The following LMO7 variants were observed in gnomAD, a reference collection of about 807,000 sequenced individuals.
The protein encoded by LMO7 is LIM domain only protein 7.
Under a neutral mutation model 206.5 loss-of-function variants are expected in LMO7, and 120 were observed. That is an observed-to-expected ratio of 0.58 (90% CI 0.50 to 0.68). The LOEUF (loss-of-function observed/expected upper bound fraction) is 0.68. Ranked by LOEUF, LMO7 falls within the 30% of genes least tolerant of loss-of-function variation. LMO7 has a pLI of 0.00. For synonymous variants in LMO7, 706 were observed against 681.5 expected (o/e 1.04, Z -0.56); for missense variants, 1,959 against 1,957.9 (o/e 1.00, Z -0.01).
chr13:75,669,962 T>C (rs1439465379), intron 1 of LMO7, among the ~76,000 whole-genome samples: 1 of 152,138 alleles, frequency 6.6e-6, no homozygotes, highest in Non-Finnish European at 1.5e-5. Flanking sequence ...AAGGTTTCCC[T>C]TACAGCTATG....
chr13:75,808,570 T>C lies in LMO7; in HGVS notation c.1916+371T>C, dbSNP rs115941009. ...TATGTGTTGCTCACATTTTAGAGTG[T>C]CTGATTTTTTTGGGGGGGTGAAATT... On this transcript the variant is annotated intron_variant, in intron 10 of 30. Coordinates refer to ENST00000377534, the MANE Select transcript of LMO7 (RefSeq NM_001306080.2). Among the ~76,000 whole-genome samples the C allele has an allele frequency of 4.4e-3, 669 of 152,284 alleles. 5 individuals carry two copies. Among genetic ancestry groups the C allele is most frequent in the African/African-American group, 0.015 (641 of 41,544 alleles).
intron 1 of LMO7, among the ~76,000 whole-genome samples, chr13:75,688,135 C>T (rs1186448779): frequency 1.3e-5 from 2 of 152,148 alleles, no homozygotes; most frequent in South Asian, 4.1e-4. Context: ...GTCCATTAAG[C>T]CTGTTTTTCT....
rs758329873 is a variant in LMO7, at chr13:75,821,559, C to A, written c.2590C>A (p.Pro864Thr). The A allele has an allele frequency of 6.2e-7, 1 of 1,613,920 alleles. No homozygotes were observed. Among genetic ancestry groups the A allele is most frequent in the Non-Finnish European group, 8.5e-7 (1 of 1,179,878 alleles). The change falls in exon 14 of 31, where the codon CCC (proline) becomes ACC (threonine). Residue 864 changes from proline (P) to threonine (T), a missense_variant. Transcript: ENST00000377534. ...VRLTSVVTPRPFGSQTRGISS... is the reference protein window; with the variant it reads ...VRLTSVVTPRTFGSQTRGISS... ...GTTAACATCTGTGGTCACACCAAGA[C>A]CCTTTGGCTCTCAGACAAGGGGAAT...
At chr13:75,704,845 A>G (rs1428762355) in intron 1 of LMO7, among the ~76,000 whole-genome samples, 2 of 152,230 alleles carry the variant, frequency 1.3e-5, no homozygotes, top group East Asian at 3.8e-4. Flanking sequence ...TAAAACCATG[A>G]CCAAAACAGT....
chr13:75,655,637 T>TTATATATATATA (rs67966172), intron 1 of LMO7, among the ~76,000 whole-genome samples: 70 of 134,684 alleles, frequency 5.2e-4, no homozygotes, highest in African/African-American at 1.3e-3. Context: ...TTCATGGATT[T>TTATATATATATA]TATATATATA....
chr13:75,661,803 T>C (rs1368232644), intron 1 of LMO7, among the ~76,000 whole-genome samples: 1 of 152,228 alleles, frequency 6.6e-6, no homozygotes, highest in Non-Finnish European at 1.5e-5. Flanking sequence ...TTGCATGCTG[T>C]AAAATCTTTC....
chr13:75,665,443 CT>C (rs1202700638), intron 1 of LMO7, among the ~76,000 whole-genome samples: 9 of 151,404 alleles, frequency 5.9e-5, no homozygotes, highest in Non-Finnish European at 1.2e-4. Flanking sequence ...CTTTTGTATT[CT>C]TGTAAATTAT....
intron 11 of LMO7, among the ~76,000 whole-genome samples, chr13:75,810,496 G>T (rs1168407798): frequency 6.6e-6 from 1 of 152,160 alleles, no homozygotes; most frequent in Non-Finnish European, 1.5e-5. Flanking sequence ...CAGGGTCCCT[G>T]CATGCTTTCC....
rs1315902689 is a variant in LMO7, at chr13:75,838,219, C to T, written c.3451+23C>T. On this transcript the variant is annotated intron_variant, in intron 20 of 30. Transcript: ENST00000377534. ...AAGGTAAACCACAAAGCTAACAATT[C>T]ATGCACTTTCATGGAATTGTTCTCC... 1.9e-6 allele frequency: 3 copies of T among 1,586,292 alleles called. No individual in the cohort carries two copies. The African/African-American group carries it at 4.0e-5, about 21-fold the overall frequency.
At chr13:75,647,066 GGT>G (rs10617403) in intron 1 of LMO7, among the ~76,000 whole-genome samples, 76,688 of 150,890 alleles carry the variant, frequency 0.51, 19,797 homozygotes, top group Admixed American at 0.62. Context: ...TATATACATA[GGT>G]GTGTGTGTGT....
Position 75,727,009 on chromosome 13 carries a change from T to A in LMO7, c.141-20T>A, listed in dbSNP as rs1340624783. The A allele has an allele frequency of 7.2e-7, 1 of 1,383,062 alleles. No homozygotes were observed. Among genetic ancestry groups the A allele is most frequent in the Non-Finnish European group, 1.0e-6 (1 of 972,810 alleles). The allele number at this position is 1,383,062 out of a possible 1,614,324, so 85.7% of individuals were successfully genotyped here. The stretch of plus-strand genomic sequence containing the variant: ...GATATTGGCATCTTGTAATTGCATC[T>A]GTTATTTATTTACTTTCAGTTTGAT... On this transcript the variant is annotated intron_variant, in intron 2 of 30. Transcript: ENST00000377534.
At chr13:75,849,874 A>T (rs1181105595) in intron 27 of LMO7, among the ~76,000 whole-genome samples, 2 of 152,232 alleles carry the variant, frequency 1.3e-5, no homozygotes, top group Non-Finnish European at 2.9e-5. Context: ...CTTATCTGAC[A>T]GACTGGGGAA....
At chr13:75,800,622 G>A (rs145641909) in intron 6 of LMO7, 62 bp from the exon 7 acceptor site, 63 of 1,455,424 alleles carry the variant, frequency 4.3e-5, no homozygotes, top group Middle Eastern at 1.8e-4. Context: ...AGTAATAACC[G>A]ATTGATTATA....
intron 26 of LMO7, among the ~76,000 whole-genome samples, chr13:75,847,090 A>G (rs961052811): frequency 6.6e-6 from 1 of 151,844 alleles, no homozygotes; most frequent in African/African-American, 2.4e-5. Flanking sequence ...TAAGCTTTGT[A>G]TGTACACAAA....
chr13:75,655,502 G>T (rs1310806368), intron 1 of LMO7, among the ~76,000 whole-genome samples: 1 of 151,828 alleles, frequency 6.6e-6, no homozygotes, highest in East Asian at 1.9e-4. Flanking sequence ...ATTTTCTACA[G>T]ATCTTTGCAG....
At chr13:75,805,953 C>A in intron 9 of LMO7, 193 bp downstream of exon 9, 1 of 1,130,584 alleles carries the variant, frequency 8.8e-7, no homozygotes. Context: ...TTAAAAAGCC[C>A]TGTTCTATAC....
At chr13:75,839,967 T>C (rs747837064) in intron 20 of LMO7, 118 bp from the exon 21 acceptor site, 1 of 868,404 alleles carries the variant, frequency 1.2e-6, no homozygotes, top group Non-Finnish European at 1.8e-6. Context: ...AAAAACATTG[T>C]CACTTAGTAT....
intron 1 of LMO7, among the ~76,000 whole-genome samples, chr13:75,697,281 AAC>A (rs1372338427): frequency 6.6e-6 from 1 of 152,194 alleles, no homozygotes; most frequent in African/African-American, 2.4e-5. Flanking sequence ...GCTGCTAATA[AAC>A]ACACATCTGA....
chr13:75,622,267 G>A (rs1452459736), intron 1 of LMO7: 1 of 153,700 alleles, frequency 6.5e-6, no homozygotes, highest in African/African-American at 2.4e-5. Flanking sequence ...TACCAATTTT[G>A]TAATCATTGT....
Sources: gnomAD v4.1 joint callset for allele counts (sites outside exome capture counted in the v4.1 genomes callset) on GRCh38, gnomAD v4.1.1 for gene constraint, MANE v1.5 for transcripts, NCBI Gene and HGNC (gene_info 2026-07-23, HGNC 2026-07-21) for gene names.